Variants in TCF7L2 observed in about 807,000 individuals in gnomAD.
The protein encoded by TCF7L2 is transcription factor 7 like 2.
Under a neutral mutation model 77.9 loss-of-function variants are expected in TCF7L2, and 23 were observed. That is an observed-to-expected ratio of 0.30 (90% confidence interval 0.21 to 0.42). The LOEUF is 0.42. TCF7L2 is among the 10% of genes least tolerant of loss of function. The probability of loss-of-function intolerance (pLI) is 1.00; values close to 1 mark genes in which losing one functional copy is unlikely to be tolerated. For missense variants in TCF7L2, 654 were observed against 793.1 expected, an observed-to-expected ratio of 0.82 and a Z score of 2.11; for synonymous variants, 413 against 340.2, an observed-to-expected ratio of 1.21 and a Z score of -2.36.
intron 5 of TCF7L2, among the ~76,000 whole-genome samples, chr10:113,136,130 G>A (rs940423836): frequency 6.6e-6 from 1 of 152,124 alleles, no homozygotes; most frequent in Non-Finnish European, 1.5e-5. Flanking sequence ...TTTACCTACC[G>A]CGTGGAACTG....
chr10:112,998,942 G>A (rs2043988889), intron 4 of TCF7L2, among the ~76,000 whole-genome samples: 1 of 152,190 alleles, frequency 6.6e-6, no homozygotes, highest in Non-Finnish European at 1.5e-5. Flanking sequence ...CTTCATTAGT[G>A]TTAGCTTGTG....
At chr10:112,957,345 CTAGT>C (rs1589652466) in intron 3 of TCF7L2, among the ~76,000 whole-genome samples, 1 of 151,848 alleles carries the variant, frequency 6.6e-6, no homozygotes, top group African/African-American at 2.4e-5. Flanking sequence ...ACATAGTACA[CTAGT>C]TAAACTAGTT....
chr10:113,080,779 C>T (rs184446735), intron 5 of TCF7L2, among the ~76,000 whole-genome samples: 2 of 152,268 alleles, frequency 1.3e-5, no homozygotes, highest in Non-Finnish European at 1.5e-5. Context: ...AATTAGCCCT[C>T]GTTTGCACAC....
chr10:113,076,746 T>C (rs2058738055), intron 5 of TCF7L2, among the ~76,000 whole-genome samples: 1 of 152,214 alleles, frequency 6.6e-6, no homozygotes, highest in Non-Finnish European at 1.5e-5. Flanking sequence ...GCTGTCACTG[T>C]TCTTGAAAAC....
intron 5 of TCF7L2, among the ~76,000 whole-genome samples, chr10:113,092,123 TG>T (rs1251526910): frequency 5.3e-5 from 8 of 152,216 alleles, no homozygotes; most frequent in Admixed American, 5.2e-4. Flanking sequence ...ACAGAAAGAC[TG>T]GGTTTCTTCC....
intron 11 of TCF7L2, among the ~76,000 whole-genome samples, chr10:113,157,544 G>A (rs1336585882): frequency 1.3e-5 from 2 of 152,172 alleles, no homozygotes; most frequent in African/African-American, 4.8e-5. Flanking sequence ...TTCAGAGTGG[G>A]ACCCTTTGGC....
chr10:113,059,302 T>C (rs1441123832), intron 5 of TCF7L2, among the ~76,000 whole-genome samples: 1 of 152,050 alleles, frequency 6.6e-6, no homozygotes, highest in Non-Finnish European at 1.5e-5. Flanking sequence ...CATAAAAACA[T>C]GCGGCTTTCA....
intron 5 of TCF7L2, among the ~76,000 whole-genome samples, chr10:113,140,822 G>A (rs2068234949): frequency 6.6e-6 from 1 of 152,152 alleles, no homozygotes; most frequent in East Asian, 1.9e-4. Flanking sequence ...GGGGTAGGAG[G>A]TCCCCACAAC....
At chr10:113,026,776 G>C (rs1444709119) in intron 4 of TCF7L2, among the ~76,000 whole-genome samples, 3 of 152,196 alleles carry the variant, frequency 2.0e-5, no homozygotes, top group Non-Finnish European at 4.4e-5. Context: ...GAGATGGCCA[G>C]GTTCTGTGGT....
intron 5 of TCF7L2, among the ~76,000 whole-genome samples, chr10:113,094,211 A>T (rs943034484): frequency 2.0e-5 from 3 of 152,256 alleles, no homozygotes; most frequent in Non-Finnish European, 4.4e-5. Flanking sequence ...AGCTAGACAC[A>T]TAAACAGGGA....
At chr10:113,066,181 G>A (rs769350770) in intron 5 of TCF7L2, among the ~76,000 whole-genome samples, 6 of 152,088 alleles carry the variant, frequency 3.9e-5, no homozygotes, top group Non-Finnish European at 8.8e-5. Flanking sequence ...TGGCTAACAT[G>A]GTGAAACCCT....
At chr10:113,048,975 A>C (rs1346637072) in intron 5 of TCF7L2, among the ~76,000 whole-genome samples, 1 of 152,148 alleles carries the variant, frequency 6.6e-6, no homozygotes, top group Non-Finnish European at 1.5e-5. Flanking sequence ...TCATAGAAGG[A>C]GAAAACAACT....
At chr10:113,006,217 C>G (rs139177817) in intron 4 of TCF7L2, among the ~76,000 whole-genome samples, 37 of 152,330 alleles carry the variant, frequency 2.4e-4, no homozygotes, top group Admixed American at 2.2e-3. Flanking sequence ...AAGAATTTCT[C>G]TATCCCTTTA....
chr10:113,092,872 G>C lies in TCF7L2; in HGVS notation c.553-48312G>C, dbSNP rs186727830. Among the ~76,000 whole-genome samples, 597 of 152,206 alleles carry C rather than the reference G, an allele frequency of 3.9e-3. 4 individuals carry two copies. Among genetic ancestry groups the C allele is most frequent in the Middle Eastern group, 0.01 (3 of 294 alleles). Reference sequence around the variant, plus strand: ...GAGCCAAGACTCCCTCGGCTGGGGGGGTTGGTGGGGGCAGGGTAAGAATTT... The same window carrying C: ...GAGCCAAGACTCCCTCGGCTGGGGGCGTTGGTGGGGGCAGGGTAAGAATTT... On this transcript the variant is annotated intron_variant, in intron 5 of 13. Transcript: ENST00000627217.
intron 5 of TCF7L2, chr10:113,129,143 C>A: frequency 5.3e-6 from 1 of 189,522 alleles, no homozygotes; most frequent in Non-Finnish European, 9.8e-6. Flanking sequence ...GTATACAGGG[C>A]AGGCAAGGCC....
At chr10:112,955,041 G>T (rs1018339987) in intron 3 of TCF7L2, among the ~76,000 whole-genome samples, 1 of 152,120 alleles carries the variant, frequency 6.6e-6, no homozygotes, top group African/African-American at 2.4e-5. Flanking sequence ...TAATACAAAA[G>T]ATTTAGACCT....
intron 4 of TCF7L2, among the ~76,000 whole-genome samples, chr10:113,017,700 A>C (rs1331872550): frequency 6.6e-6 from 1 of 152,094 alleles, no homozygotes; most frequent in Non-Finnish European, 1.5e-5. Flanking sequence ...AGCAGAGAGA[A>C]TCTCTGAAGC....
intron 5 of TCF7L2, among the ~76,000 whole-genome samples, chr10:113,080,223 A>ATAAT (rs1298496605): frequency 6.6e-6 from 1 of 151,890 alleles, no homozygotes; most frequent in Non-Finnish European, 1.5e-5. Flanking sequence ...GGCGCAAGAG[A>ATAAT]TAATTCATCC....
intron 7 of TCF7L2, among the ~76,000 whole-genome samples, chr10:113,144,587 A>C (rs1012876666): frequency 2.0e-5 from 3 of 152,168 alleles, no homozygotes; most frequent in African/African-American, 7.2e-5. Flanking sequence ...TGACAACAAC[A>C]GTGGAAAGTT....
Sources: allele counts gnomAD v4.1 joint callset (sites outside exome capture counted in the v4.1 genomes callset), GRCh38; gene constraint gnomAD v4.1.1; transcripts MANE v1.5; gene names NCBI Gene and HGNC (gene_info 2026-07-23, HGNC 2026-07-21).